MARCHF3: variants seen among roughly 807,000 people sequenced by gnomAD.
MARCHF3 encodes E3 ubiquitin-protein ligase MARCHF3.
Under a neutral mutation model 24.2 loss-of-function variants are expected in MARCHF3, and 13 were observed. The observed-to-expected ratio is 0.54, with a 90% CI of 0.35 to 0.85. MARCHF3 has a LOEUF of 0.85. Ranked by LOEUF, MARCHF3 falls within the 40% of genes least tolerant of loss-of-function variation. The pLI is 0.01. For missense variants in MARCHF3, 276 were observed against 325.0 expected, an observed-to-expected ratio of 0.85 and a Z score of 1.16; for synonymous variants, 144 against 137.3, an observed-to-expected ratio of 1.05 and a Z score of -0.34.
At chr5:126,914,767 A>AATACACACACACACACACACACACAC (rs776762951) in intron 3 of MARCHF3, 163 bp downstream of exon 3, 2 of 484,318 alleles carry the variant, frequency 4.1e-6, no homozygotes, top group South Asian at 2.6e-5. Flanking sequence ...CTCTTTCTCA[A>AATACACACACACACACACACACACAC]ACACACACAC....
At chr5:126,934,634 T>G (rs770751059) in intron 1 of MARCHF3, among the ~76,000 whole-genome samples, 3 of 151,654 alleles carry the variant, frequency 2.0e-5, no homozygotes, top group Non-Finnish European at 2.9e-5. Context: ...TCTCTTTAAG[T>G]TGGTATGGAG....
chr5:126,908,076 A>T (rs1232538951), intron 3 of MARCHF3, among the ~76,000 whole-genome samples: 2 of 151,868 alleles, frequency 1.3e-5, no homozygotes, highest in Non-Finnish European at 2.9e-5. Context: ...TCCTTCACTT[A>T]TGAAGGTTAG....
At chr5:126,987,780 T>C (rs920590938) in intron 1 of MARCHF3, among the ~76,000 whole-genome samples, 2 of 152,094 alleles carry the variant, frequency 1.3e-5, no homozygotes, top group African/African-American at 4.8e-5. Context: ...AAGAGAGAAG[T>C]GAACTGAAGT....
In MARCHF3 at chr5:126,916,688, G is replaced by GACACACACAC. The variant is rs756972169; in HGVS notation, c.188+1295_188+1296insGTGTGTGTGT. ...GGTAAAAATACCTGACAGACAGACA[G>GACACACACAC]ACAGACACACACACACACACACACA... is the stretch of plus-strand genomic sequence containing the variant. On this transcript the variant is annotated intron_variant, in intron 2 of 4. Coordinates refer to ENST00000308660, the MANE Select transcript of MARCHF3 (RefSeq NM_178450.5). Among the ~76,000 whole-genome samples the GACACACACAC allele has an allele frequency of 9.2e-3, 700 of 76,364 alleles. 7 individuals carry two copies. The highest frequency in any genetic ancestry group is 0.024 in the African/African-American group (537 of 22,778). The allele number at this position is 76,364 out of a possible 152,430, so 50.1% of individuals were successfully genotyped here. A position where few individuals can be genotyped will look rare whatever the true frequency, so the allele number is the denominator to read the frequency against.
chr5:126,948,644 T>C (rs1197111706), intron 1 of MARCHF3, among the ~76,000 whole-genome samples: 1 of 152,152 alleles, frequency 6.6e-6, no homozygotes, highest in Non-Finnish European at 1.5e-5. Flanking sequence ...TAGGGGCGTA[T>C]TTCTTAAGTG....
chr5:126,895,458 C>G (rs1266338186), intron 3 of MARCHF3, among the ~76,000 whole-genome samples: 1 of 152,028 alleles, frequency 6.6e-6, no homozygotes, highest in Non-Finnish European at 1.5e-5. Context: ...TACTTTTGGT[C>G]TTTGATGATG....
At chr5:126,994,202 C>T (rs986037694) in intron 1 of MARCHF3, among the ~76,000 whole-genome samples, 3 of 152,200 alleles carry the variant, frequency 2.0e-5, no homozygotes, top group Non-Finnish European at 4.4e-5. Context: ...ACTACTGATA[C>T]AACAATGTGG....
intron 1 of MARCHF3, among the ~76,000 whole-genome samples, chr5:127,029,003 C>T (rs1368820246): frequency 6.6e-6 from 1 of 152,132 alleles, no homozygotes; most frequent in Non-Finnish European, 1.5e-5. Flanking sequence ...AAAACAGGAA[C>T]GCGGATTCTG....
At chr5:126,994,516 T>A (rs553411887) in intron 1 of MARCHF3, among the ~76,000 whole-genome samples, 20 of 152,336 alleles carry the variant, frequency 1.3e-4, no homozygotes, top group African/African-American at 4.3e-4. Flanking sequence ...ATGTCAGTTC[T>A]ACCTCAATAA....
At chr5:126,922,318 G>A (rs997144971) in intron 1 of MARCHF3, among the ~76,000 whole-genome samples, 3 of 152,098 alleles carry the variant, frequency 2.0e-5, no homozygotes, top group Non-Finnish European at 4.4e-5. Context: ...GAGATTTCCT[G>A]AATATTTGAA....
At chr5:127,008,263 G>C (rs542978843) in intron 1 of MARCHF3, among the ~76,000 whole-genome samples, 1 of 152,298 alleles carries the variant, frequency 6.6e-6, no homozygotes, top group African/African-American at 2.4e-5. Context: ...TATGCTGGAA[G>C]GACACTGGCC....
intron 1 of MARCHF3, among the ~76,000 whole-genome samples, chr5:126,968,148 T>C (rs1750879258): frequency 6.6e-6 from 1 of 152,262 alleles, no homozygotes; most frequent in Non-Finnish European, 1.5e-5. Flanking sequence ...GCACCAGTAC[T>C]TTGTTCCTTT....
chr5:126,991,276 T>G (rs1751749752), intron 1 of MARCHF3, among the ~76,000 whole-genome samples: 1 of 152,154 alleles, frequency 6.6e-6, no homozygotes, highest in African/African-American at 2.4e-5. Context: ...GAAACCATCA[T>G]TCTCAGCAAA....
chr5:126,977,293 G>T (rs994445357), intron 1 of MARCHF3, among the ~76,000 whole-genome samples: 2 of 152,154 alleles, frequency 1.3e-5, no homozygotes, highest in East Asian at 3.8e-4. Flanking sequence ...CTTTGCCTTG[G>T]CTGCTGGAAA....
At chr5:126,972,934 A>T (rs1323219130) in intron 1 of MARCHF3, among the ~76,000 whole-genome samples, 2 of 152,270 alleles carry the variant, frequency 1.3e-5, no homozygotes, top group South Asian at 2.1e-4. Context: ...CGTACCCAAC[A>T]AAAGTGTATG....
intron 3 of MARCHF3, among the ~76,000 whole-genome samples, chr5:126,882,656 G>A (rs2126770141): frequency 6.6e-6 from 1 of 152,298 alleles, no homozygotes; most frequent in East Asian, 1.9e-4. Flanking sequence ...GCTTGTTTGT[G>A]TGTCTGTCTT....
At chr5:126,898,036 GGGGGT>G (rs763254446) in intron 3 of MARCHF3, among the ~76,000 whole-genome samples, 1 of 152,038 alleles carries the variant, frequency 6.6e-6, no homozygotes, top group Non-Finnish European at 1.5e-5. Flanking sequence ...TGCCTAGGCT[GGGGGT>G]GGGGGACAGA....
intron 1 of MARCHF3, among the ~76,000 whole-genome samples, chr5:127,006,494 T>C (rs1488957057): frequency 6.6e-6 from 1 of 152,200 alleles, no homozygotes; most frequent in Non-Finnish European, 1.5e-5. Flanking sequence ...ATAGTTGTTA[T>C]TTTCTTTCTT....
At chr5:126,877,893 C>T (rs969474445) in intron 4 of MARCHF3, among the ~76,000 whole-genome samples, 5 of 152,118 alleles carry the variant, frequency 3.3e-5, no homozygotes, top group Non-Finnish European at 7.4e-5. Flanking sequence ...AGATGGAGTC[C>T]TAGACTACTA....
Sources: gnomAD v4.1 joint callset for allele counts (sites outside exome capture counted in the v4.1 genomes callset) on GRCh38, gnomAD v4.1.1 for gene constraint, MANE v1.5 for transcripts, NCBI Gene and HGNC (gene_info 2026-07-23, HGNC 2026-07-21) for gene names.